The following BUD13 variants were observed in gnomAD, a reference collection of about 807,000 sequenced individuals.
BUD13 encodes BUD13 spliceosome associated protein, also known as BUD13 homolog.
A neutral mutation model predicts 62.5 loss-of-function variants in BUD13; 47 were observed. That is an observed-to-expected ratio of 0.75 (90% CI 0.60 to 0.96). BUD13 has a LOEUF of 0.96. BUD13 is among the 40% of genes least tolerant of loss of function. The pLI, the probability that BUD13 is intolerant of heterozygous loss-of-function variation, is 0.00. For missense variants in BUD13, 821 were observed against 790.9 expected (o/e 1.04, Z -0.46); for synonymous variants, 293 against 280.1 (o/e 1.05, Z -0.46).
At chr11:116,772,695 A>C (rs1349063885) in intron 1 of BUD13, 127 bp downstream of exon 1, 2 of 1,297,376 alleles carry the variant, frequency 1.5e-6, no homozygotes, top group Non-Finnish European at 2.0e-6. Flanking sequence ...GGCCCTGAGC[A>C]TGAGCAGGGG....
intron 4 of BUD13, among the ~76,000 whole-genome samples, chr11:116,761,802 A>G (rs1431659596): frequency 2.0e-5 from 3 of 152,216 alleles, no homozygotes; most frequent in African/African-American, 7.2e-5. Context: ...TAAGCATCAC[A>G]AGTCACCTCC....
chr11:116,772,777 G>A (rs1422612453), intron 1 of BUD13, 45 bp downstream of exon 1: 1 of 1,477,424 alleles, frequency 6.8e-7, no homozygotes. Context: ...GTTGGGAAGG[G>A]GTGGCTAGAC....
In BUD13 at chr11:116,772,957, G is replaced by T. The variant is rs754282240; in HGVS notation, c.8C>A (p.Ala3Glu). ...CTCGGCCTTGGAAAGCGGCGGAGCT[G>T]CCGCCATGGCAGCGGCGGGGGCAGA... The part of the protein sequence containing the change: MA[A>E]APPLSKAEYL... The change falls in exon 1 of 10, where the codon GCA becomes GAA. Residue 3 changes from alanine (A) to glutamate (E), a missense_variant. Ala to Glu is a moderately radical substitution (Grantham distance 107). Transcript: ENST00000260210. 6 of 1,555,310 alleles carry T rather than the reference G, an allele frequency of 3.9e-6. No individual in the cohort carries two copies. In the Admixed American group the frequency reaches 7.3e-5, roughly 19 times the overall value.
At position 116,760,971 on chromosome 11, in the gene BUD13, T is replaced by A; in HGVS notation, c.1037-19A>T. The A allele has an allele frequency of 6.2e-7, 1 of 1,604,264 alleles. No individual in the cohort carries two copies. On this transcript the variant is annotated intron_variant, in intron 4 of 9. Transcript: ENST00000260210. ...CAGTCACCTGGATAGGAGCAAAGAA[T>A]CTGTGTGACTCTGATGTCCTCTAGG...
chr11:116,758,494 G>T (rs1940371997), intron 6 of BUD13, 87 bp from the exon 7 acceptor site: 1 of 1,452,608 alleles, frequency 6.9e-7, no homozygotes, highest in Non-Finnish European at 9.3e-7. Flanking sequence ...GGATTCTAAT[G>T]CTAGATAAGA....
At chr11:116,772,797 C>G in intron 1 of BUD13, 25 bp downstream of exon 1, 1 of 1,527,388 alleles carries the variant, frequency 6.5e-7, no homozygotes, top group Non-Finnish European at 8.8e-7. Flanking sequence ...CGTCGCAGGC[C>G]CCGCCCCGGC....
chr11:116,768,129 C>T (rs1940564384), intron 2 of BUD13, among the ~76,000 whole-genome samples: 2 of 151,938 alleles, frequency 1.3e-5, no homozygotes, highest in African/African-American at 2.4e-5. Context: ...TAAAGCGAAC[C>T]ATACCCTTTG....
In BUD13 at chr11:116,757,879, C is replaced by T. The variant is rs1437345814; in HGVS notation, c.1571G>A (p.Arg524His). Residue 524 changes from arginine (R) to histidine (H), a missense_variant, in exon 8 of 10, where the codon CGC (arginine) becomes CAC (histidine). Around this residue, in one of 2 missense-constraint regions of BUD13, gnomAD observed 800 missense variants for 739.2 expected, o/e 1.08. Coordinates refer to ENST00000260210, the MANE Select transcript of BUD13 (RefSeq NM_032725.4). ...ATCCAGATCTTCGTCATCAATATAG[C>T]GGGCCAGAGGCTTTTGCATCTCTTT... ...AMKEMQKPLA[R>H]YIDDEDLDRM... 3 of 1,614,040 alleles carry T rather than the reference C, an allele frequency of 1.9e-6. No homozygotes were observed. Among genetic ancestry groups the T allele is most frequent in the Non-Finnish European group, 2.5e-6 (3 of 1,180,038 alleles).
intron 9 of BUD13, among the ~76,000 whole-genome samples, chr11:116,749,687 G>A (rs569477135): frequency 3.9e-5 from 6 of 152,312 alleles, no homozygotes; most frequent in Non-Finnish European, 5.9e-5. Context: ...AATGAGCTGC[G>A]TAGGCCATGG....
At chr11:116,771,251 T>C (rs767773835) in intron 1 of BUD13, among the ~76,000 whole-genome samples, 1 of 152,254 alleles carries the variant, frequency 6.6e-6, no homozygotes, top group African/African-American at 2.4e-5. Flanking sequence ...AAAGAAAATA[T>C]ATCGATTAGT....
chr11:116,760,585 A>AG, intron 5 of BUD13, 150 bp downstream of exon 5: 1 of 824,754 alleles, frequency 1.2e-6, no homozygotes, highest in Non-Finnish European at 1.9e-6. Context: ...TTGCCTTCAG[A>AG]AGGAAAGACC....
chr11:116,762,553 C>A lies in BUD13; in HGVS notation c.1036G>T (p.Gly346Cys). The change falls in exon 4 of 10, where the codon GGT (glycine) becomes TGT (cysteine). Residue 346 changes from glycine (G) to cysteine (C), a missense_variant and splice_region_variant. Physicochemically the swap from Gly to Cys is radical, Grantham distance 159. Around this residue, in one of 2 missense-constraint regions of BUD13, gnomAD observed 800 missense variants for 739.2 expected, o/e 1.08. Transcript: ENST00000260210. The stretch of plus-strand genomic sequence containing the variant: ...CTCTCATGGACAGTCATATGCTCAC[C>A]TTTGGAATCAAGCTGCTTCTTGTCT... ...FGDKKQLDSKGDCQKATDSDL... is the reference protein window; with the variant it reads ...FGDKKQLDSKCDCQKATDSDL... The A allele has an allele frequency of 6.2e-7, 1 of 1,603,676 alleles. No homozygotes were observed.
Position 116,749,552 on chromosome 11 carries a change from C to T in BUD13, c.1767-977G>A, listed in dbSNP as rs369614632. On this transcript the variant is annotated intron_variant, in intron 9 of 9. Coordinates refer to ENST00000260210, the MANE Select transcript of BUD13 (RefSeq NM_032725.4). The stretch of plus-strand genomic sequence containing the variant: ...ACAGAATGAGCAACAAGAACAAAGG[C>T]ACGGAAATAAGAAGTGGCCTGGTAT... Among the ~76,000 whole-genome samples the T allele has an allele frequency of 1.1e-4, 17 of 152,240 alleles. No individual in the cohort carries two copies. The South Asian group carries it at 3.5e-3, about 32-fold the overall frequency.
In BUD13 at chr11:116,757,167, T is replaced by C. The variant is rs1215293348; in HGVS notation, c.1745A>G (p.Tyr582Cys). 1 of 1,614,194 alleles carries C rather than the reference T, an allele frequency of 6.2e-7. No individual in the cohort carries two copies. The change falls in exon 9 of 10, where the codon TAT (tyrosine) becomes TGT (cysteine). Residue 582 changes from tyrosine (Y) to cysteine (C), a missense_variant. Physicochemically the swap from Tyr to Cys is radical, Grantham distance 194. Transcript: ENST00000260210. ...PPNRFNIWPG[Y>C]RWDGVDRSNG... Reference sequence around the variant, plus strand: ...TTACCTGTCCACTCCGTCCCAGCGATATCCAGGCCAGATATTAAATCTGTT... The same window carrying C: ...TTACCTGTCCACTCCGTCCCAGCGACATCCAGGCCAGATATTAAATCTGTT...
intron 6 of BUD13, among the ~76,000 whole-genome samples, 193 bp downstream of exon 6, chr11:116,758,881 C>G (rs957426972): frequency 2.0e-5 from 3 of 151,978 alleles, no homozygotes; most frequent in Admixed American, 2.0e-4. Context: ...CATGAGCCAC[C>G]GCGCCTGGGC....
intron 8 of BUD13, among the ~76,000 whole-genome samples, chr11:116,757,476 T>A (rs1452194471): frequency 1.4e-5 from 2 of 146,586 alleles, no homozygotes; most frequent in Admixed American, 1.4e-4. Flanking sequence ...TTTTTTTTTT[T>A]TGTATTTTTA....
chr11:116,757,827 CT>C lies in BUD13; in HGVS notation c.1622del (p.Glu541GlyfsTer22). 6.2e-7 allele frequency: 1 copy of C among 1,614,180 alleles called. No individual in the cohort carries two copies. Among genetic ancestry groups the C allele is most frequent in the Non-Finnish European group, 8.5e-7 (1 of 1,180,038 alleles). ...LDRMLREQER[E>X]GDPMANFIKK... Reference sequence around the variant, plus strand: ...TGATGAAGTTGGCCATAGGGTCCCCCTCTCTTTCCTGTTCTCTTAGCATCCT... The same window carrying C: ...TGATGAAGTTGGCCATAGGGTCCCCCCTCTTTCCTGTTCTCTTAGCATCCT... On this transcript the variant is annotated frameshift_variant, in exon 8 of 10. Coordinates refer to ENST00000260210, the MANE Select transcript of BUD13 (RefSeq NM_032725.4). LOFTEE classifies it high-confidence loss of function.
intron 9 of BUD13, among the ~76,000 whole-genome samples, chr11:116,749,931 AG>A (rs1940203515): frequency 6.6e-6 from 1 of 152,194 alleles, no homozygotes; most frequent in Admixed American, 6.5e-5. Flanking sequence ...AAGAAGGAGG[AG>A]GCAAGTTAGA....
intron 4 of BUD13, 102 bp from the exon 5 acceptor site, chr11:116,761,054 T>A: frequency 1.1e-6 from 1 of 929,436 alleles, no homozygotes. Context: ...ATTAAAGAAT[T>A]CCTTACATTA....
Sources: gnomAD v4.1 joint callset for allele counts (sites outside exome capture counted in the v4.1 genomes callset) on GRCh38, gnomAD v4.1.1 for gene constraint, gnomAD v4.1.1 regional missense constraint, MANE v1.5 for transcripts, NCBI Gene and HGNC (gene_info 2026-07-23, HGNC 2026-07-21) for gene names.